Variants in ANK3 observed in about 807,000 individuals in gnomAD.
The protein encoded by ANK3 is ankyrin 3.
ANK3 carries 57 observed loss-of-function variants against 370.9 expected under a neutral mutation model. That is an observed-to-expected ratio of 0.15 (90% CI 0.12 to 0.19). The LOEUF is 0.19. ANK3 is among the 10% of genes least tolerant of loss of function. The pLI is 1.00. For missense variants in ANK3, 4,439 were observed against 5,302.1 expected (o/e 0.84, Z 5.06); for synonymous variants, 1,929 against 1,946.3 (o/e 0.99, Z 0.23).
intron 25 of ANK3, among the ~76,000 whole-genome samples, chr10:60,115,655 G>A (rs1461051018): frequency 6.6e-6 from 1 of 152,138 alleles, no homozygotes; most frequent in Non-Finnish European, 1.5e-5. Flanking sequence ...ATGGGCATTG[G>A]TTCAGTGCTA....
rs71015756 is a variant in ANK3 at position 60,029,875 on chromosome 10, C to CTTTTTTTTTTTTTTTTTTTTTT, written c.*20-71_*20-50dup. 87 of 68,604 alleles carry CTTTTTTTTTTTTTTTTTTTTTT rather than the reference C, an allele frequency of 1.3e-3. 13 individuals carry two copies. The highest frequency in any genetic ancestry group is 2.3e-3 in the African/African-American group (34 of 15,100). The allele number at this position is 68,604 out of a possible 1,614,324, so 4.2% of individuals were successfully genotyped here. A position where few individuals can be genotyped will look rare whatever the true frequency, so the allele number is the denominator to read the frequency against. ...TGAGTTTAGCTTTCTTTTTCTTTTTCTTTTTTTTTTTTTTTTTTTTTTTTT... is the reference window on the plus strand; with the variant it reads ...TGAGTTTAGCTTTCTTTTTCTTTTTCTTTTTTTTTTTTTTTTTTTTTTTTTTTTTTTTTTTTTTTTTTTTTTT... On this transcript the variant is annotated intron_variant, in intron 43 of 43. Transcript: ENST00000280772.
chr10:60,292,713 CTTTTT>C (rs55791354), intron 1 of ANK3, among the ~76,000 whole-genome samples: 1 of 138,964 alleles, frequency 7.2e-6, no homozygotes, highest in Non-Finnish European at 1.5e-5. Flanking sequence ...GACTTTCTTT[CTTTTT>C]TTTTTTTTTT....
chr10:60,278,906 C>T (rs1281033579), intron 3 of ANK3, 34 bp from the exon 4 acceptor site: 5 of 1,601,242 alleles, frequency 3.1e-6, no homozygotes, highest in South Asian at 1.1e-5. Context: ...ATCAACTCAT[C>T]GATCTTTTGA....
At chr10:60,139,384 G>T in intron 23 of ANK3, 1 of 315,874 alleles carries the variant, frequency 3.2e-6, no homozygotes, top group Non-Finnish European at 5.8e-6. Context: ...TAGAAAGGTG[G>T]ATGTTTTATG....
intron 1 of ANK3, among the ~76,000 whole-genome samples, chr10:60,379,302 T>C (rs1021659847): frequency 2.6e-5 from 4 of 152,120 alleles, no homozygotes; most frequent in Non-Finnish European, 5.9e-5. Context: ...TAGAGAACAA[T>C]ATGGAGGTTC....
intron 28 of ANK3, among the ~76,000 whole-genome samples, chr10:60,099,712 A>C (rs2090831897): frequency 6.6e-6 from 1 of 152,236 alleles, no homozygotes; most frequent in Non-Finnish European, 1.5e-5. Context: ...ATCAATTAAT[A>C]TGATTCTATC....
chr10:60,266,150 T>C (rs2097875078), intron 5 of ANK3, among the ~76,000 whole-genome samples: 1 of 152,130 alleles, frequency 6.6e-6, no homozygotes. Flanking sequence ...AGGGAAAGAC[T>C]AGATACATCC....
At chr10:60,140,650 C>A in intron 23 of ANK3, 1 of 1,357,064 alleles carries the variant, frequency 7.4e-7, no homozygotes, top group Non-Finnish European at 9.4e-7. Flanking sequence ...TCCTTTTGAC[C>A]ACTTCGCAGA....
At chr10:60,529,001 C>A (rs2076542427) in intron 2 of ANK3, among the ~76,000 whole-genome samples, 1 of 152,038 alleles carries the variant, frequency 6.6e-6, no homozygotes, top group African/African-American at 2.4e-5. Context: ...ATGAATTTCA[C>A]ATTTGAGTCA....
At chr10:60,103,581 C>T (rs1466228361) in intron 28 of ANK3, among the ~76,000 whole-genome samples, 4 of 151,818 alleles carry the variant, frequency 2.6e-5, no homozygotes, top group Middle Eastern at 3.4e-3. Context: ...GAGAAGGGTT[C>T]GAGTTTGGCA....
chr10:60,538,471 C>T (rs148658069), intron 2 of ANK3, among the ~76,000 whole-genome samples: 1,871 of 151,928 alleles, frequency 0.012, 10 homozygotes, highest in Middle Eastern at 0.034. Flanking sequence ...CCTTCTGGCT[C>T]CCATGTTGCC....
intron 1 of ANK3, among the ~76,000 whole-genome samples, chr10:60,656,437 T>C (rs562088317): frequency 1.3e-5 from 2 of 151,426 alleles, no homozygotes; most frequent in South Asian, 4.2e-4. Context: ...AATGCTACTA[T>C]CTTTTAAAAA....
At chr10:60,349,170 G>A (rs889807792) in intron 1 of ANK3, among the ~76,000 whole-genome samples, 4 of 152,174 alleles carry the variant, frequency 2.6e-5, no homozygotes, top group African/African-American at 9.7e-5. Context: ...GCTGCAAACT[G>A]TTTAGTGTTG....
chr10:60,407,931 C>T (rs550308813), intron 2 of ANK3, among the ~76,000 whole-genome samples: 24 of 152,312 alleles, frequency 1.6e-4, no homozygotes, highest in African/African-American at 5.5e-4. Context: ...AAGCTCACAC[C>T]TTAGCCTGCC....
At chr10:60,602,420 C>T (rs2078076642) in intron 2 of ANK3, among the ~76,000 whole-genome samples, 1 of 152,116 alleles carries the variant, frequency 6.6e-6, no homozygotes, top group South Asian at 2.1e-4. Context: ...ACATTTGAAA[C>T]TCACTTGTCT....
intron 1 of ANK3, among the ~76,000 whole-genome samples, chr10:60,359,342 C>T (rs547886421): frequency 6.6e-6 from 1 of 152,168 alleles, no homozygotes; most frequent in Non-Finnish European, 1.5e-5. Context: ...AAAGCATATG[C>T]CTCACACCTT....
chr10:60,592,140 T>C (rs534814545), intron 2 of ANK3, among the ~76,000 whole-genome samples: 2 of 152,324 alleles, frequency 1.3e-5, no homozygotes, highest in African/African-American at 2.4e-5. Flanking sequence ...TTCTCCATGA[T>C]GGGCTTATTT....
intron 7 of ANK3, among the ~76,000 whole-genome samples, chr10:60,247,208 G>A (rs904484005): frequency 2.6e-5 from 4 of 151,866 alleles, no homozygotes; most frequent in East Asian, 1.9e-4. Flanking sequence ...TAGTGGAGAC[G>A]GGGTTTCACC....
intron 7 of ANK3, among the ~76,000 whole-genome samples, chr10:60,258,046 G>C (rs2097761505): frequency 6.6e-6 from 1 of 152,148 alleles, no homozygotes; most frequent in Non-Finnish European, 1.5e-5. Flanking sequence ...AACTTTGCAG[G>C]CAACCACATA....
Sources: gnomAD v4.1 joint callset for allele counts (sites outside exome capture counted in the v4.1 genomes callset) on GRCh38, gnomAD v4.1.1 for gene constraint, MANE v1.5 for transcripts, NCBI Gene and HGNC (gene_info 2026-07-23, HGNC 2026-07-21) for gene names.